The following TXNRD1 variants were observed in gnomAD, a reference collection of about 807,000 sequenced individuals.
TXNRD1 encodes the protein thioredoxin reductase 1, cytoplasmic.
In TXNRD1, 57 loss-of-function variants were observed where a neutral mutation model predicts 80.3. The ratio of observed to expected loss-of-function variants is 0.71; its 90% CI spans 0.57 to 0.89. The LOEUF (loss-of-function observed/expected upper bound fraction) is 0.89, where lower values mean the gene tolerates loss of function less well. TXNRD1 is among the 40% of genes least tolerant of loss of function. TXNRD1 has a pLI of 0.00. For synonymous variants in TXNRD1, 291 were observed against 285.2 expected, an observed-to-expected ratio of 1.02 and a Z score of -0.20; for missense variants, 730 against 803.0, an observed-to-expected ratio of 0.91 and a Z score of 1.10.
At chr12:104,232,582 T>A (rs914664579) in intron 1 of TXNRD1, among the ~76,000 whole-genome samples, 25 of 151,846 alleles carry the variant, frequency 1.6e-4, no homozygotes, top group African/African-American at 5.6e-4. Context: ...TGACGTTCTT[T>A]ACTGACCACA....
At chr12:104,287,461 T>C (rs779464834) in intron 3 of TXNRD1, 1 of 1,611,210 alleles carries the variant, frequency 6.2e-7, no homozygotes, top group Non-Finnish European at 8.5e-7. Flanking sequence ...AGAGTCCGAG[T>C]CTTGAAATGT....
At chr12:104,225,976 G>A (rs1384470590) in intron 1 of TXNRD1, among the ~76,000 whole-genome samples, 1 of 152,060 alleles carries the variant, frequency 6.6e-6, no homozygotes, top group Non-Finnish European at 1.5e-5. Context: ...AAGGTGGGCG[G>A]ATCACCTGAG....
chr12:104,265,796 A>C, intron 3 of TXNRD1: 4 of 1,560,878 alleles, frequency 2.6e-6, no homozygotes, highest in Non-Finnish European at 3.5e-6. Context: ...CGCCGTCAGC[A>C]CAAGCCACGC....
chr12:104,304,178 C>G, intron 4 of TXNRD1: 2 of 1,614,020 alleles, frequency 1.2e-6, no homozygotes, highest in Non-Finnish European at 1.7e-6. Context: ...TGGCGTGAGC[C>G]GAACCAGAGA....
chr12:104,256,642 G>A (rs1301745846), intron 2 of TXNRD1, among the ~76,000 whole-genome samples: 1 of 152,014 alleles, frequency 6.6e-6, no homozygotes, highest in Non-Finnish European at 1.5e-5. Flanking sequence ...GGCTGGGTGT[G>A]GTGGCGCATG....
intron 10 of TXNRD1, among the ~76,000 whole-genome samples, chr12:104,323,787 C>T (rs1361321220): frequency 2.3e-5 from 3 of 132,552 alleles, no homozygotes; most frequent in East Asian, 2.5e-4. Flanking sequence ...CCGGACGGGG[C>T]GGCTGGCCGG....
chr12:104,237,917 A>G (rs2032773868), intron 1 of TXNRD1, among the ~76,000 whole-genome samples: 1 of 152,140 alleles, frequency 6.6e-6, no homozygotes, highest in Non-Finnish European at 1.5e-5. Flanking sequence ...AGGCTGAGGC[A>G]GAAGAATCGC....
chr12:104,302,611 T>G (rs1441446435), intron 4 of TXNRD1, among the ~76,000 whole-genome samples: 1 of 147,696 alleles, frequency 6.8e-6, no homozygotes, highest in Non-Finnish European at 1.5e-5. Context: ...TGCCTCAGCC[T>G]ACCGAGTAGC....
rs193223093 is a variant in TXNRD1 at position 104,311,511 on chromosome 12, G to T, written c.537+99G>T. The T allele has an allele frequency of 2.8e-5, 40 of 1,445,154 alleles. No homozygotes were observed. In the East Asian group the frequency reaches 9.3e-4, roughly 34 times the overall value. The allele number at this position is 1,445,154 out of a possible 1,614,324, so 89.5% of individuals were successfully genotyped here. The stretch of plus-strand genomic sequence containing the variant: ...TCTCCTCTCTCTGTGGAATTTATTT[G>T]ATCCACTCCTGTGACATTTTGCACA... On this transcript the variant is annotated intron_variant, in intron 5 of 16. Transcript: ENST00000525566.
chr12:104,285,838 A>G (rs2033959159), intron 3 of TXNRD1, among the ~76,000 whole-genome samples: 1 of 152,000 alleles, frequency 6.6e-6, no homozygotes, highest in African/African-American at 2.4e-5. Context: ...CTTAAATCAC[A>G]TTGTTTCCTC....
intron 1 of TXNRD1, among the ~76,000 whole-genome samples, chr12:104,249,073 C>G (rs1007276217): frequency 6.6e-6 from 1 of 152,182 alleles, no homozygotes; most frequent in African/African-American, 2.4e-5. Context: ...GCTGGTAAAA[C>G]AAAATAACAT....
intron 1 of TXNRD1, among the ~76,000 whole-genome samples, chr12:104,228,007 A>G (rs1467169088): frequency 6.6e-6 from 1 of 152,116 alleles, no homozygotes; most frequent in Non-Finnish European, 1.5e-5. Flanking sequence ...AGTTTTTTAA[A>G]AATTGATATA....
intron 1 of TXNRD1, among the ~76,000 whole-genome samples, chr12:104,235,404 C>A (rs2032717040): frequency 6.6e-6 from 1 of 152,010 alleles, no homozygotes; most frequent in Non-Finnish European, 1.5e-5. Context: ...TACCTAGGGG[C>A]AAGGAGGCAA....
At chr12:104,252,541 A>G (rs1423939320) in intron 2 of TXNRD1, among the ~76,000 whole-genome samples, 1 of 150,762 alleles carries the variant, frequency 6.6e-6, no homozygotes, top group East Asian at 1.9e-4. Context: ...CTGGTGCTTC[A>G]TAGGAAGGCT....
intron 3 of TXNRD1, among the ~76,000 whole-genome samples, chr12:104,268,150 C>T: frequency 6.6e-6 from 1 of 150,444 alleles, no homozygotes; most frequent in Non-Finnish European, 1.5e-5. Context: ...CCACTTGGAC[C>T]CGGCCCCTTC....
intron 5 of TXNRD1, among the ~76,000 whole-genome samples, chr12:104,311,777 T>G (rs539095921): frequency 6.6e-6 from 1 of 152,066 alleles, no homozygotes. Context: ...GGTCAGGAGT[T>G]CAAGACCAGC....
chr12:104,234,838 G>T (rs1019341381), intron 1 of TXNRD1, among the ~76,000 whole-genome samples: 1 of 152,024 alleles, frequency 6.6e-6, no homozygotes, highest in African/African-American at 2.4e-5. Flanking sequence ...GGAAGGCAAA[G>T]AAATAGGGGG....
At chr12:104,221,813 C>T (rs916768853) in intron 1 of TXNRD1, among the ~76,000 whole-genome samples, 2 of 152,118 alleles carry the variant, frequency 1.3e-5, no homozygotes, top group Admixed American at 6.5e-5. Flanking sequence ...TGTATAGACC[C>T]AGAAATAACT....
chr12:104,334,388 G>GT, intron 15 of TXNRD1, 56 bp downstream of exon 15: 3 of 1,171,352 alleles, frequency 2.6e-6, no homozygotes, highest in South Asian at 1.8e-5. Flanking sequence ...GTTTTTTGTT[G>GT]TTGTTTTTTT....
Sources: gnomAD v4.1 joint callset for allele counts (sites outside exome capture counted in the v4.1 genomes callset) on GRCh38, gnomAD v4.1.1 for gene constraint, MANE v1.5 for transcripts, NCBI Gene and HGNC (gene_info 2026-07-23, HGNC 2026-07-21) for gene names.